BCKDHB: variants seen among roughly 807,000 people sequenced by gnomAD.
The protein encoded by BCKDHB is 2-oxoisovalerate dehydrogenase subunit beta, mitochondrial.
In BCKDHB, 41 loss-of-function variants were observed where a neutral mutation model predicts 48.5. The ratio of observed to expected loss-of-function variants is 0.85; its 90% CI spans 0.66 to 1.10. BCKDHB has a LOEUF of 1.10. Among genes scored for constraint, BCKDHB ranks in the 50% least tolerant of loss-of-function variants. BCKDHB has a pLI of 0.00. For synonymous variants in BCKDHB, 201 were observed against 174.8 expected, an observed-to-expected ratio of 1.15 and a Z score of -1.18; for missense variants, 496 against 494.2, an observed-to-expected ratio of 1.00 and a Z score of -0.03.
intron 8 of BCKDHB, among the ~76,000 whole-genome samples, chr6:80,268,159 G>C (rs1777592270): frequency 6.6e-6 from 1 of 152,024 alleles, no homozygotes; most frequent in Non-Finnish European, 1.5e-5. Context: ...TTGCTAACCT[G>C]TGATTAATTG....
At chr6:80,131,822 T>C (rs1423796985) in intron 3 of BCKDHB, among the ~76,000 whole-genome samples, 2 of 151,926 alleles carry the variant, frequency 1.3e-5, no homozygotes, top group African/African-American at 4.8e-5. Context: ...TTTGTATTTT[T>C]AGTAGAGATG....
chr6:80,393,034 CCCTGAAAGAGTTTTTT>C, the BCKDHB span, among the ~76,000 whole-genome samples: 1 of 151,816 alleles, frequency 6.6e-6, no homozygotes, highest in South Asian at 2.1e-4. Context: ...TCCCCCAATA[CCCTGAAAGAGTTTTTT>C]CATAATTTTT....
intron 6 of BCKDHB, among the ~76,000 whole-genome samples, chr6:80,176,000 CA>C (rs1363837350): frequency 7.9e-5 from 12 of 152,168 alleles, no homozygotes; most frequent in Non-Finnish European, 4.4e-5. Flanking sequence ...GTCCATCTCT[CA>C]CCACCTCCAA....
the BCKDHB span, among the ~76,000 whole-genome samples, chr6:80,406,132 A>G: frequency 2.6e-5 from 4 of 152,266 alleles, no homozygotes; most frequent in South Asian, 4.1e-4. Flanking sequence ...AGCTTCATCC[A>G]TGTCCCTGCA....
chr6:80,107,227 C>G (rs1210156919), intron 1 of BCKDHB, among the ~76,000 whole-genome samples: 1 of 150,606 alleles, frequency 6.6e-6, no homozygotes, highest in Non-Finnish European at 1.5e-5. Flanking sequence ...TCAACCCAGG[C>G]CTTAGGTGTT....
the BCKDHB span, among the ~76,000 whole-genome samples, chr6:80,375,285 A>G: frequency 1.3e-5 from 2 of 152,180 alleles, no homozygotes; most frequent in Non-Finnish European, 2.9e-5. Flanking sequence ...GGGAACACCA[A>G]TTATTCTTAG....
rs1175746137 is a variant in BCKDHB at position 80,304,918 on chromosome 6, T to C, written c.1038+31697T>C. Among the ~76,000 whole-genome samples, 4 of 152,140 alleles carry C rather than the reference T, an allele frequency of 2.6e-5. No homozygotes were observed. In the East Asian group the frequency reaches 7.7e-4, roughly 29 times the overall value. Reference sequence around the variant, plus strand: ...CTTCCTTTACCTGATAAAGGTTATCTACCAAAAACCTGTAACAACCACTAT... The same window carrying C: ...CTTCCTTTACCTGATAAAGGTTATCCACCAAAAACCTGTAACAACCACTAT... On this transcript the variant is annotated intron_variant, in intron 9 of 9. Transcript: ENST00000320393.
chr6:80,282,086 A>G (rs567051855), intron 9 of BCKDHB, among the ~76,000 whole-genome samples: 4 of 152,326 alleles, frequency 2.6e-5, no homozygotes, highest in Admixed American at 6.5e-5. Context: ...ACAGAGAACT[A>G]ACGTGTACTC....
the BCKDHB span, among the ~76,000 whole-genome samples, chr6:80,383,628 C>CT: frequency 7.8e-3 from 1,177 of 151,600 alleles, 11 homozygotes; most frequent in African/African-American, 0.027. Context: ...AATCCAAGTT[C>CT]TTTTTTTTCA....
chr6:80,198,904 A>G (rs1774254188), intron 6 of BCKDHB, among the ~76,000 whole-genome samples: 6 of 152,180 alleles, frequency 3.9e-5, no homozygotes, highest in Admixed American at 2.6e-4. Flanking sequence ...TTTAGAGGCC[A>G]TATATCTAGA....
At chr6:80,135,475 G>A (rs1770840299) in intron 3 of BCKDHB, among the ~76,000 whole-genome samples, 1 of 152,052 alleles carries the variant, frequency 6.6e-6, no homozygotes, top group Non-Finnish European at 1.5e-5. Context: ...ATAAGTTGGT[G>A]TAAATCTGGT....
chr6:80,197,025 C>T (rs190664076), intron 6 of BCKDHB, among the ~76,000 whole-genome samples: 5 of 152,220 alleles, frequency 3.3e-5, no homozygotes, highest in South Asian at 2.1e-4. Flanking sequence ...ATGTAATCAG[C>T]GTGTGGTGAA....
chr6:80,415,960 A>T, the BCKDHB span, among the ~76,000 whole-genome samples: 337 of 151,228 alleles, frequency 2.2e-3, 13 homozygotes, highest in East Asian at 0.049. Context: ...CTTGTTATTG[A>T]TCTGTTCAGA....
chr6:80,122,300 A>G (rs922314632), intron 1 of BCKDHB, among the ~76,000 whole-genome samples: 5 of 152,180 alleles, frequency 3.3e-5, no homozygotes, highest in Non-Finnish European at 7.4e-5. Context: ...CAGGGATATT[A>G]GTCTAAAATT....
chr6:80,326,670 T>A (rs56278001), intron 9 of BCKDHB, among the ~76,000 whole-genome samples: 1 of 152,056 alleles, frequency 6.6e-6, no homozygotes, highest in Non-Finnish European at 1.5e-5. Flanking sequence ...GGTAGATCAC[T>A]TGAGGTCAGT....
At chr6:80,296,473 T>G (rs1341661965) in intron 9 of BCKDHB, among the ~76,000 whole-genome samples, 8 of 152,152 alleles carry the variant, frequency 5.3e-5, no homozygotes, top group Non-Finnish European at 1.5e-5. Context: ...ACAAATACAG[T>G]CCAAAGACAA....
chr6:80,456,159 G>A, the BCKDHB span, among the ~76,000 whole-genome samples: 1 of 151,622 alleles, frequency 6.6e-6, no homozygotes, highest in Non-Finnish European at 1.5e-5. Context: ...AGGTTGCAGT[G>A]AGCCGAGATT....
intron 9 of BCKDHB, among the ~76,000 whole-genome samples, chr6:80,299,218 T>C (rs1247072651): frequency 6.6e-6 from 1 of 152,122 alleles, no homozygotes; most frequent in Non-Finnish European, 1.5e-5. Flanking sequence ...TCCCCTAAAT[T>C]GAGTCTTTAA....
At chr6:80,238,093 C>A (rs1228626639) in intron 8 of BCKDHB, among the ~76,000 whole-genome samples, 1 of 152,002 alleles carries the variant, frequency 6.6e-6, no homozygotes, top group Non-Finnish European at 1.5e-5. Flanking sequence ...AGATTTTAAT[C>A]TTTTTTAAAT....
Sources: gnomAD v4.1 joint callset for allele counts (sites outside exome capture counted in the v4.1 genomes callset) on GRCh38, gnomAD v4.1.1 for gene constraint, MANE v1.5 for transcripts, NCBI Gene and HGNC (gene_info 2026-07-23, HGNC 2026-07-21) for gene names.